SESN1: variants seen among roughly 807,000 people sequenced by gnomAD.
SESN1 encodes the protein sestrin-1.
In SESN1, 30 loss-of-function variants were observed where a neutral mutation model predicts 59.3. The ratio of observed to expected loss-of-function variants is 0.51; its 90% CI spans 0.38 to 0.69. The LOEUF (loss-of-function observed/expected upper bound fraction) is 0.69. Among genes scored for constraint, SESN1 ranks in the 30% least tolerant of loss-of-function variants. The pLI is 0.00. For missense variants in SESN1, 566 were observed against 673.0 expected (o/e 0.84, Z 1.76); for synonymous variants, 197 against 219.9 (o/e 0.90, Z 0.92).
intron 1 of SESN1, among the ~76,000 whole-genome samples, chr6:109,038,936 GAGA>G (rs774592766): frequency 5.7e-4 from 82 of 142,704 alleles, no homozygotes; most frequent in Non-Finnish European, 9.5e-4. Context: ...GAGAAGAAAA[GAGA>G]AGAAGAAAAG....
rs115107955 is a variant in SESN1 at position 109,067,804 on chromosome 6, G to C, written c.279+25991C>G. ...AAACAGACACAATACAGGTATGCTGGATATGTTCTATTTGCCCCTGCAAAG... is the reference window on the plus strand; with the variant it reads ...AAACAGACACAATACAGGTATGCTGCATATGTTCTATTTGCCCCTGCAAAG... On this transcript the variant is annotated intron_variant, in intron 1 of 9. Coordinates refer to ENST00000436639, the MANE Select transcript of SESN1 (RefSeq NM_014454.3). Among the ~76,000 whole-genome samples, 443 of 152,278 alleles carry C rather than the reference G, an allele frequency of 2.9e-3. 3 individuals carry two copies. The highest frequency in any genetic ancestry group is 0.01 in the African/African-American group (424 of 41,566).
intron 1 of SESN1, among the ~76,000 whole-genome samples, chr6:109,027,947 A>G (rs1355115686): frequency 1.3e-5 from 2 of 152,034 alleles, no homozygotes; most frequent in Non-Finnish European, 2.9e-5. Context: ...TGTGTTCTTT[A>G]TATTATTTTG....
chr6:109,067,212 C>T (rs58453314), intron 1 of SESN1, among the ~76,000 whole-genome samples: 23,012 of 152,088 alleles, frequency 0.15, 1,991 homozygotes, highest in Middle Eastern at 0.24. Flanking sequence ...CTTCCCCTCC[C>T]TATCTGTAGG....
chr6:109,049,743 TTA>T (rs1780513802), intron 1 of SESN1, among the ~76,000 whole-genome samples: 1 of 150,308 alleles, frequency 6.7e-6, no homozygotes, highest in Non-Finnish European at 1.5e-5. Flanking sequence ...ATAATATATA[TTA>T]TGTTGAAATC....
At chr6:109,014,724 G>A (rs924296465) in intron 1 of SESN1, among the ~76,000 whole-genome samples, 5 of 152,082 alleles carry the variant, frequency 3.3e-5, no homozygotes, top group Non-Finnish European at 7.4e-5. Flanking sequence ...ACTCCTCTCA[G>A]TGTCTCTTTC....
At chr6:109,041,412 ATACT>A (rs1278331251) in intron 1 of SESN1, among the ~76,000 whole-genome samples, 1 of 152,234 alleles carries the variant, frequency 6.6e-6, no homozygotes, top group Non-Finnish European at 1.5e-5. Context: ...TCTACCAAAC[ATACT>A]TGTACAAGTA....
intron 5 of SESN1, among the ~76,000 whole-genome samples, 181 bp from the exon 6 acceptor site, chr6:108,994,790 C>T (rs965409336): frequency 1.3e-5 from 2 of 150,716 alleles, no homozygotes; most frequent in Non-Finnish European, 2.9e-5. Context: ...GCAAGGTCCA[C>T]CTCCCAGGTT....
In SESN1 at chr6:108,992,759, A is replaced by G. The variant is rs772528951; in HGVS notation, c.1233+28T>C. The G allele has an allele frequency of 1.9e-5, 26 of 1,339,726 alleles. No homozygotes were observed. The South Asian group carries it at 2.9e-4, about 15-fold the overall frequency. The allele number at this position is 1,339,726 out of a possible 1,614,324, so 83.0% of individuals were successfully genotyped here. On this transcript the variant is annotated intron_variant, in intron 7 of 9. Coordinates refer to ENST00000436639, the MANE Select transcript of SESN1 (RefSeq NM_014454.3). ...AGTCAGACTGAGATATTTCTAGTCA[A>G]TCATGTGCATACAAGTTGCAATTTT...
At chr6:109,069,431 T>A (rs1177458103) in intron 1 of SESN1, among the ~76,000 whole-genome samples, 1 of 152,180 alleles carries the variant, frequency 6.6e-6, no homozygotes, top group African/African-American at 2.4e-5. Context: ...CCTTCACAGT[T>A]ATGAGAGAAA....
intron 3 of SESN1, 87 bp from the exon 4 acceptor site, chr6:109,000,760 T>G: frequency 9.2e-7 from 1 of 1,092,536 alleles, no homozygotes; most frequent in Non-Finnish European, 1.2e-6. Context: ...AAGAGCTAAT[T>G]AAGTTTATTA....
At chr6:109,044,574 C>G (rs1444808884) in intron 1 of SESN1, among the ~76,000 whole-genome samples, 1 of 152,064 alleles carries the variant, frequency 6.6e-6, no homozygotes, top group Non-Finnish European at 1.5e-5. Context: ...ATATCTACAT[C>G]TAGATCACCC....
intron 1 of SESN1, among the ~76,000 whole-genome samples, chr6:109,089,273 A>G (rs1781269125): frequency 6.6e-6 from 1 of 152,312 alleles, no homozygotes. Flanking sequence ...TTGAATTAAT[A>G]TTTGCTTTCT....
intron 7 of SESN1, 69 bp from the exon 8 acceptor site, chr6:108,990,904 A>G: frequency 7.5e-7 from 1 of 1,339,340 alleles, no homozygotes; most frequent in Non-Finnish European, 1.0e-6. Context: ...ATAGCTCTGT[A>G]GCATGGTAAA....
At chr6:109,065,638 G>T (rs1039086084) in intron 1 of SESN1, among the ~76,000 whole-genome samples, 1 of 152,000 alleles carries the variant, frequency 6.6e-6, no homozygotes, top group African/African-American at 2.4e-5. Flanking sequence ...ATAAGGACGA[G>T]GTTGCAGGCC....
At chr6:109,042,679 T>G (rs1253307984) in intron 1 of SESN1, among the ~76,000 whole-genome samples, 1 of 152,042 alleles carries the variant, frequency 6.6e-6, no homozygotes, top group African/African-American at 2.4e-5. Context: ...ATCACCTGAA[T>G]AGCCCTATTG....
At chr6:109,045,444 T>A (rs1177567912) in intron 1 of SESN1, among the ~76,000 whole-genome samples, 2 of 149,112 alleles carry the variant, frequency 1.3e-5, no homozygotes, top group African/African-American at 5.2e-5. Context: ...AAATCCAGAT[T>A]CTTCACATGG....
chr6:109,088,159 T>G (rs1398983758), intron 1 of SESN1: 3 of 152,018 alleles, frequency 2.0e-5, no homozygotes, highest in Non-Finnish European at 4.4e-5. Flanking sequence ...GGGAAGAAAC[T>G]CTTTTCTTCT....
chr6:108,996,647 T>A (rs534959495), intron 5 of SESN1, among the ~76,000 whole-genome samples: 1 of 151,962 alleles, frequency 6.6e-6, no homozygotes, highest in African/African-American at 2.4e-5. Context: ...AAAAAAAAAA[T>A]GGCATTTCAT....
chr6:109,051,360 T>C (rs563979845), intron 1 of SESN1, among the ~76,000 whole-genome samples: 81 of 152,250 alleles, frequency 5.3e-4, no homozygotes, highest in Non-Finnish European at 9.4e-4. Flanking sequence ...CAGTGAAAAA[T>C]GTAACACATC....
Sources: allele counts gnomAD v4.1 joint callset (sites outside exome capture counted in the v4.1 genomes callset), GRCh38; gene constraint gnomAD v4.1.1; transcripts MANE v1.5; gene names NCBI Gene and HGNC (gene_info 2026-07-23, HGNC 2026-07-21).